PPP3CA: variants seen among roughly 807,000 people sequenced by gnomAD.
The protein encoded by PPP3CA is CAM-PRP catalytic subunit.
PPP3CA carries 14 observed loss-of-function variants against 66.5 expected under a neutral mutation model. The observed-to-expected ratio is 0.21, with a 90% CI of 0.14 to 0.33. The LOEUF (loss-of-function observed/expected upper bound fraction) is 0.33. PPP3CA is among the 10% of genes least tolerant of loss of function. The pLI, the probability that PPP3CA is intolerant of heterozygous loss-of-function variation, is 1.00. For missense variants in PPP3CA, 317 were observed against 639.5 expected (o/e 0.50, Z 5.44); for synonymous variants, 232 against 226.2 (o/e 1.03, Z -0.23).
intron 2 of PPP3CA, among the ~76,000 whole-genome samples, chr4:101,115,841 T>A (rs1721821864): frequency 6.6e-6 from 1 of 152,014 alleles, no homozygotes. Context: ...GGTCAACTTG[T>A]TAACAATGAG....
chr4:101,194,703 A>AT (rs1211749054), intron 2 of PPP3CA, among the ~76,000 whole-genome samples: 4 of 151,978 alleles, frequency 2.6e-5, no homozygotes, highest in Admixed American at 6.6e-5. Context: ...AGTAGCTGGG[A>AT]TTATAGGTGC....
intron 2 of PPP3CA, among the ~76,000 whole-genome samples, chr4:101,146,474 G>C (rs541709075): frequency 6.6e-6 from 1 of 150,574 alleles, no homozygotes; most frequent in African/African-American, 2.4e-5. Context: ...ATGGAGTCTC[G>C]CTCTGTCGCC....
chr4:101,105,141 T>C (rs1410058932), intron 3 of PPP3CA, among the ~76,000 whole-genome samples: 1 of 151,938 alleles, frequency 6.6e-6, no homozygotes, highest in Non-Finnish European at 1.5e-5. Flanking sequence ...GTAAACTGCT[T>C]CTTGACGTCT....
intron 1 of PPP3CA, among the ~76,000 whole-genome samples, chr4:101,261,369 C>G (rs895820072): frequency 2.0e-5 from 3 of 152,050 alleles, no homozygotes; most frequent in African/African-American, 7.2e-5. Context: ...TAGCACTGAG[C>G]ACTCCAGACT....
At chr4:101,275,264 A>T (rs1727453615) in intron 1 of PPP3CA, among the ~76,000 whole-genome samples, 1 of 152,128 alleles carries the variant, frequency 6.6e-6, no homozygotes, top group African/African-American at 2.4e-5. Context: ...ACTGCCACCC[A>T]TATCTCAGGT....
intron 1 of PPP3CA, among the ~76,000 whole-genome samples, chr4:101,223,580 T>G (rs1725692513): frequency 6.6e-6 from 1 of 151,838 alleles, no homozygotes; most frequent in African/African-American, 2.4e-5. Context: ...ACAGTGGTAT[T>G]TCAATGTGGG....
intron 1 of PPP3CA, among the ~76,000 whole-genome samples, chr4:101,294,459 G>A (rs776486225): frequency 5.9e-5 from 9 of 151,992 alleles, no homozygotes; most frequent in Non-Finnish European, 4.4e-5. Context: ...GTTTGCCTTG[G>A]GGTATTTCAG....
At chr4:101,204,951 A>G (rs1418653594) in intron 1 of PPP3CA, among the ~76,000 whole-genome samples, 1 of 149,840 alleles carries the variant, frequency 6.7e-6, no homozygotes, top group Non-Finnish European at 1.5e-5. Context: ...ACCATGAGGT[A>G]CCCCAACTAT....
At chr4:101,283,531 A>C (rs1264690778) in intron 1 of PPP3CA, among the ~76,000 whole-genome samples, 2 of 152,244 alleles carry the variant, frequency 1.3e-5, no homozygotes, top group Admixed American at 6.5e-5. Context: ...AGAGTATTTT[A>C]AAGTTAGAAA....
intron 8 of PPP3CA, among the ~76,000 whole-genome samples, chr4:101,072,077 T>C (rs1463625968): frequency 6.6e-6 from 1 of 152,168 alleles, no homozygotes; most frequent in Non-Finnish European, 1.5e-5. Context: ...ACTTTCACAG[T>C]GGAGCTGAAT....
chr4:101,227,429 T>C (rs1725818297), intron 1 of PPP3CA, among the ~76,000 whole-genome samples: 1 of 151,756 alleles, frequency 6.6e-6, no homozygotes, highest in Admixed American at 6.6e-5. Context: ...CTACAGGAGT[T>C]GAAAAGGAAA....
At chr4:101,125,633 G>A (rs1211289832) in intron 2 of PPP3CA, among the ~76,000 whole-genome samples, 1 of 152,132 alleles carries the variant, frequency 6.6e-6, no homozygotes, top group Non-Finnish European at 1.5e-5. Flanking sequence ...AGGGGTTTGT[G>A]CATTTTTTAA....
At chr4:101,107,199 T>C (rs1376687682) in intron 3 of PPP3CA, among the ~76,000 whole-genome samples, 1 of 152,248 alleles carries the variant, frequency 6.6e-6, no homozygotes, top group Non-Finnish European at 1.5e-5. Flanking sequence ...AAAACATGTG[T>C]GCTCTCAATA....
chr4:101,324,408 C>G (rs1729148513), intron 1 of PPP3CA, among the ~76,000 whole-genome samples: 1 of 152,120 alleles, frequency 6.6e-6, no homozygotes, highest in African/African-American at 2.4e-5. Context: ...TGTTCCAGTT[C>G]CCTTTTGCTA....
At chr4:101,106,408 A>G (rs965468181) in intron 3 of PPP3CA, among the ~76,000 whole-genome samples, 4 of 9,834 alleles carry the variant, frequency 4.1e-4, no homozygotes, top group African/African-American at 9.5e-4. Context: ...AAAGAAAGAA[A>G]GAAAGAAAGA....
chr4:101,278,434 C>T (rs534428370), intron 1 of PPP3CA, among the ~76,000 whole-genome samples: 14 of 152,272 alleles, frequency 9.2e-5, no homozygotes, highest in Non-Finnish European at 1.3e-4. Flanking sequence ...CCTCTACCAC[C>T]TTCCCAGCTG....
At chr4:101,061,704 A>C (rs1728469243) in intron 9 of PPP3CA, among the ~76,000 whole-genome samples, 1 of 152,086 alleles carries the variant, frequency 6.6e-6, no homozygotes, top group Non-Finnish European at 1.5e-5. Context: ...AATATCATTA[A>C]ATTTGATTTT....
At chr4:101,340,584 CATATGAA>C (rs1339899076) in intron 1 of PPP3CA, among the ~76,000 whole-genome samples, 1 of 152,014 alleles carries the variant, frequency 6.6e-6, no homozygotes, top group Non-Finnish European at 1.5e-5. Context: ...TTTCACTTCT[CATATGAA>C]ATATAATTGA....
intron 1 of PPP3CA, 125 bp downstream of exon 1, chr4:101,346,614 G>C: frequency 1.2e-6 from 1 of 831,170 alleles, no homozygotes; most frequent in South Asian, 1.6e-5. Flanking sequence ...TATCCTAGAA[G>C]GTCCGCGGCT....
Sources: gnomAD v4.1 joint callset for allele counts (sites outside exome capture counted in the v4.1 genomes callset) on GRCh38, gnomAD v4.1.1 for gene constraint, MANE v1.5 for transcripts, NCBI Gene and HGNC (gene_info 2026-07-23, HGNC 2026-07-21) for gene names.